The following STAB2 variants were observed in gnomAD, a reference collection of about 807,000 sequenced individuals.
STAB2 encodes the protein stabilin-2.
A neutral mutation model predicts 338.1 loss-of-function variants in STAB2; 288 were observed. The ratio of observed to expected loss-of-function variants is 0.85; its 90% CI spans 0.77 to 0.94. The LOEUF is 0.94. STAB2 is among the 40% of genes least tolerant of loss of function. STAB2 has a pLI of 0.00. For missense variants in STAB2, 3,141 were observed against 3,210.1 expected (o/e 0.98, Z 0.52); for synonymous variants, 1,202 against 1,193.3 (o/e 1.01, Z -0.15).
intron 54 of STAB2, 145 bp downstream of exon 54, chr12:103,739,613 C>T: frequency 3.0e-6 from 2 of 673,110 alleles, no homozygotes; most frequent in Non-Finnish European, 4.3e-6. Flanking sequence ...TTATGTCATT[C>T]TTTCAACAAC....
chr12:103,740,291 T>A (rs1007552485), intron 54 of STAB2, among the ~76,000 whole-genome samples: 1 of 152,114 alleles, frequency 6.6e-6, no homozygotes, highest in Admixed American at 6.5e-5. Context: ...TTGGGAGCCT[T>A]GCCCCACACC....
intron 3 of STAB2, among the ~76,000 whole-genome samples, chr12:103,611,717 G>A (rs1455146681): frequency 2.0e-5 from 3 of 152,260 alleles, no homozygotes; most frequent in African/African-American, 7.2e-5. Flanking sequence ...GTGTGAATTT[G>A]ATCCTGTCAT....
At chr12:103,668,816 G>C (rs1875428790) in intron 20 of STAB2, 87 bp downstream of exon 20, 2 of 1,213,006 alleles carry the variant, frequency 1.6e-6, no homozygotes, top group Non-Finnish European at 2.2e-6. Context: ...GGTCCACGTG[G>C]TCACAGGTGG....
intron 66 of STAB2, among the ~76,000 whole-genome samples, chr12:103,761,977 G>C (rs530386681): frequency 6.6e-6 from 1 of 152,256 alleles, no homozygotes; most frequent in South Asian, 2.1e-4. Flanking sequence ...GCCAGACTGG[G>C]TTCAAAGCCC....
intron 1 of STAB2, among the ~76,000 whole-genome samples, chr12:103,589,709 G>T (rs17034172): frequency 0.13 from 19,953 of 152,222 alleles, 1,502 homozygotes; most frequent in South Asian, 0.31. Context: ...GTGTGAAACA[G>T]GGTCTTGAAG....
chr12:103,712,924 G>A (rs1449111654), intron 41 of STAB2, among the ~76,000 whole-genome samples: 2 of 152,180 alleles, frequency 1.3e-5, no homozygotes, highest in Non-Finnish European at 2.9e-5. Context: ...CATTTGTAAA[G>A]TAAACTTAAA....
chr12:103,713,678 T>C lies in STAB2; in HGVS notation c.4447T>C (p.Ser1483Pro). 1 of 1,614,100 alleles carries C rather than the reference T, an allele frequency of 6.2e-7. No homozygotes were observed. Among genetic ancestry groups the C allele is most frequent in the Non-Finnish European group, 8.5e-7 (1 of 1,179,964 alleles). ...NACEISNGGC[S>P]AKADCKRTTP... is the part of the protein sequence containing the mutation. The stretch of plus-strand genomic sequence containing the variant: ...CTGTGAGATCAGCAATGGAGGTTGC[T>C]CTGCCAAGGCTGACTGTAAGAGAAC... Residue 1483 changes from serine (S) to proline (P), a missense_variant, in exon 42 of 69, where the codon TCT becomes CCT. Coordinates refer to ENST00000388887, the MANE Select transcript of STAB2 (RefSeq NM_017564.10).
chr12:103,758,316 T>G (rs570869001), intron 64 of STAB2, 27 bp downstream of exon 64: 1 of 1,610,404 alleles, frequency 6.2e-7, no homozygotes, highest in Non-Finnish European at 8.5e-7. Context: ...GTGCCTTTGC[T>G]TTAGACTAGC....
intron 42 of STAB2, among the ~76,000 whole-genome samples, chr12:103,715,583 G>T (rs115526129): frequency 1.8e-3 from 278 of 152,286 alleles, no homozygotes; most frequent in African/African-American, 6.6e-3. Context: ...ATTTAAGCCA[G>T]TAGACAATCC....
chr12:103,589,741 G>A (rs1244156051), intron 1 of STAB2, among the ~76,000 whole-genome samples: 1 of 152,196 alleles, frequency 6.6e-6, no homozygotes, highest in Non-Finnish European at 1.5e-5. Context: ...GCAGCCCAGT[G>A]AGAACATGGC....
Position 103,723,205 on chromosome 12 carries a change from G to A in STAB2, c.4684-1770G>A, listed in dbSNP as rs185496425. 7.2e-5 allele frequency among the ~76,000 whole-genome samples: 11 copies of A among 152,264 alleles called. No homozygotes were observed. The East Asian group carries it at 1.9e-3, about 27-fold the overall frequency. ...GTCATCTGTATTAGTCAATTTTCAC[G>A]CTGCTGATAAAGACATACTCCAGAC... On this transcript the variant is annotated intron_variant, in intron 44 of 68. Coordinates refer to ENST00000388887, the MANE Select transcript of STAB2 (RefSeq NM_017564.10).
chr12:103,730,814 C>T (rs1476144187), intron 49 of STAB2, among the ~76,000 whole-genome samples: 1 of 152,086 alleles, frequency 6.6e-6, no homozygotes, highest in East Asian at 1.9e-4. Context: ...TCCGGGAGGC[C>T]AAGATGAACA....
At chr12:103,655,764 G>A (rs767265656) in intron 15 of STAB2, among the ~76,000 whole-genome samples, 183 bp downstream of exon 15, 11 of 152,092 alleles carry the variant, frequency 7.2e-5, no homozygotes, top group Non-Finnish European at 2.9e-5. Context: ...CCTGGATGTG[G>A]CTTCAGTCTC....
At chr12:103,758,461 C>T (rs1884297739) in intron 64 of STAB2, among the ~76,000 whole-genome samples, 172 bp downstream of exon 64, 1 of 152,190 alleles carries the variant, frequency 6.6e-6, no homozygotes, top group South Asian at 2.1e-4. Context: ...GGTCTGAGAC[C>T]AGCTGTCAGC....
At chr12:103,758,014 C>T in intron 63 of STAB2, 156 bp from the exon 64 acceptor site, 1 of 1,092,634 alleles carries the variant, frequency 9.2e-7, no homozygotes, top group South Asian at 1.6e-5. Flanking sequence ...CAAACTCTCC[C>T]ACGGCGCAGG....
At chr12:103,678,783 C>T (rs866375093) in intron 25 of STAB2, among the ~76,000 whole-genome samples, 11 of 152,038 alleles carry the variant, frequency 7.2e-5, no homozygotes, top group African/African-American at 2.4e-4. Context: ...CCACCTGCCT[C>T]GGCCTCCCAA....
Position 103,753,325 on chromosome 12 carries a change from C to A in STAB2, c.6686C>A (p.Thr2229Asn), listed in dbSNP as rs2139197281. ...ACANEAATMA[T>N]YNQLSYAQKA... ...GCCAACGAAGCTGCGACCATGGCAA[C>A]CTACAACCAGCTCTCCTATGCCCAG... Residue 2229 changes from threonine (T) to asparagine (N), a missense_variant, in exon 61 of 69, where the codon ACC becomes AAC. Coordinates refer to ENST00000388887, the MANE Select transcript of STAB2 (RefSeq NM_017564.10). 6.2e-7 allele frequency: 1 copy of A among 1,614,246 alleles called. No individual in the cohort carries two copies. The highest frequency in any genetic ancestry group is 8.5e-7 in the Non-Finnish European group (1 of 1,180,048).
At chr12:103,671,556 G>A (rs185200894) in intron 22 of STAB2, among the ~76,000 whole-genome samples, 5 of 152,280 alleles carry the variant, frequency 3.3e-5, no homozygotes. Context: ...ACTTCTCTAG[G>A]CCTCAGTTTC....
Position 103,740,766 on chromosome 12 carries a change from C to T in STAB2, c.5881+10C>T, listed in dbSNP as rs747489735. 5 of 1,559,564 alleles carry T rather than the reference C, an allele frequency of 3.2e-6. No individual in the cohort carries two copies. In the South Asian group the frequency reaches 6.1e-5, roughly 19 times the overall value. The stretch of plus-strand genomic sequence containing the variant: ...GGGCGAGACTGTCAGGGTGAGGGTG[C>T]CTCTTCCCCCCTCGCAACTCTAAAA... On this transcript the variant is annotated intron_variant, in intron 55 of 68. Coordinates refer to ENST00000388887, the MANE Select transcript of STAB2 (RefSeq NM_017564.10).
Sources: gnomAD v4.1 joint callset for allele counts (sites outside exome capture counted in the v4.1 genomes callset) on GRCh38, gnomAD v4.1.1 for gene constraint, MANE v1.5 for transcripts, NCBI Gene and HGNC (gene_info 2026-07-23, HGNC 2026-07-21) for gene names.